The following ADARB1 variants were observed in gnomAD, a reference collection of about 807,000 sequenced individuals.
ADARB1 encodes double-stranded RNA-specific editase 1.
In ADARB1, 10 loss-of-function variants were observed where a neutral mutation model predicts 52.4. The observed-to-expected ratio is 0.19, with a 90% CI of 0.12 to 0.32. The LOEUF (loss-of-function observed/expected upper bound fraction) is 0.32, where lower values mean the gene tolerates loss of function less well. Among genes scored for constraint, ADARB1 ranks in the 10% least tolerant of loss-of-function variants. The probability of loss-of-function intolerance (pLI) is 1.00; values close to 1 mark genes in which losing one functional copy is unlikely to be tolerated. For missense variants in ADARB1, 643 were observed against 922.3 expected (o/e 0.70, Z 3.92); for synonymous variants, 349 against 371.1 (o/e 0.94, Z 0.68).
rs1045471200 is a variant in ADARB1, at chr21:45,183,894, A to G, written c.1396+384A>G. 3.3e-5 allele frequency among the ~76,000 whole-genome samples: 5 copies of G among 152,382 alleles called. No homozygotes were observed. The Middle Eastern group carries it at 0.014, about 415-fold the overall frequency. ...TATTTGCCTGATATTTCAGAAGCAG[A>G]TAAACACTAGTGAAAAGTGAAACCA... On this transcript the variant is annotated intron_variant, in intron 7 of 10. Transcript: ENST00000348831.
chr21:45,092,898 A>AT (rs10718203), intron 1 of ADARB1, among the ~76,000 whole-genome samples: 8 of 150,076 alleles, frequency 5.3e-5, no homozygotes, highest in Non-Finnish European at 8.9e-5. Context: ...TGTACCTTTA[A>AT]TTTTTTTTTT....
At chr21:45,217,440 T>G (rs750571166) in intron 9 of ADARB1, among the ~76,000 whole-genome samples, 2 of 152,168 alleles carry the variant, frequency 1.3e-5, no homozygotes, top group Admixed American at 6.5e-5. Flanking sequence ...TCAAGTGATA[T>G]TATACTACTT....
intron 4 of ADARB1, among the ~76,000 whole-genome samples, chr21:45,179,362 T>C (rs977569989): frequency 1.3e-5 from 2 of 152,244 alleles, no homozygotes; most frequent in Admixed American, 6.5e-5. Flanking sequence ...AGAAATATTT[T>C]ATTAAGGACC....
At chr21:45,083,089 C>G (rs2086214500) in intron 1 of ADARB1, among the ~76,000 whole-genome samples, 2 of 152,242 alleles carry the variant, frequency 1.3e-5, no homozygotes, top group Non-Finnish European at 2.9e-5. Context: ...CCTCCCCACA[C>G]AGCCTGCCTG....
chr21:45,218,047 T>A (rs1376453907), intron 9 of ADARB1, among the ~76,000 whole-genome samples: 2 of 152,200 alleles, frequency 1.3e-5, no homozygotes, highest in African/African-American at 4.8e-5. Context: ...TTCATGTTTC[T>A]TGTGCTTGGG....
chr21:45,087,543 G>T (rs2086395170), intron 1 of ADARB1, among the ~76,000 whole-genome samples: 1 of 152,196 alleles, frequency 6.6e-6, no homozygotes, highest in Non-Finnish European at 1.5e-5. Flanking sequence ...GGGGACGGAG[G>T]AGGAGTGGGT....
chr21:45,125,361 G>C (rs1187945198), intron 1 of ADARB1, among the ~76,000 whole-genome samples: 2 of 152,240 alleles, frequency 1.3e-5, no homozygotes, highest in African/African-American at 4.8e-5. Flanking sequence ...GTTCTTCTCA[G>C]TGTCCTGTAT....
At chr21:45,095,437 G>A (rs1273831910) in intron 1 of ADARB1, among the ~76,000 whole-genome samples, 2 of 152,290 alleles carry the variant, frequency 1.3e-5, no homozygotes, top group South Asian at 4.1e-4. Flanking sequence ...TTTTTTCTCT[G>A]CCCCCTTTTT....
chr21:45,094,733 GGA>G (rs1348164627), intron 1 of ADARB1, among the ~76,000 whole-genome samples: 4 of 152,074 alleles, frequency 2.6e-5, no homozygotes, highest in Non-Finnish European at 4.4e-5. Flanking sequence ...CATGTTGAGG[GGA>G]GAGAGGGGGG....
intron 2 of ADARB1, chr21:45,132,282 C>T (rs539498661): frequency 6.6e-6 from 1 of 152,254 alleles, no homozygotes; most frequent in East Asian, 1.9e-4. Context: ...ATTGGAAGGT[C>T]GGCAGTGGGA....
intron 1 of ADARB1, among the ~76,000 whole-genome samples, chr21:45,089,498 G>GT (rs1160398545): frequency 6.6e-6 from 1 of 151,640 alleles, no homozygotes; most frequent in African/African-American, 2.4e-5. Flanking sequence ...AAATTTATCA[G>GT]TTTTTTTCCT....
chr21:45,097,148 C>A (rs406551), intron 1 of ADARB1, among the ~76,000 whole-genome samples: 119,048 of 152,214 alleles, frequency 0.78, 46,845 homozygotes, highest in South Asian at 0.86. Flanking sequence ...CAGCAGCACC[C>A]TTTAGGTACG....
At chr21:45,115,379 T>A (rs2087770722) in intron 1 of ADARB1, among the ~76,000 whole-genome samples, 1 of 152,186 alleles carries the variant, frequency 6.6e-6, no homozygotes, top group Non-Finnish European at 1.5e-5. Flanking sequence ...GTCTGCTGAA[T>A]TGGTTCAGCA....
intron 2 of ADARB1, among the ~76,000 whole-genome samples, chr21:45,170,719 A>G (rs2091446977): frequency 6.6e-6 from 1 of 152,138 alleles, no homozygotes; most frequent in Admixed American, 6.5e-5. Flanking sequence ...ACACAAAGTA[A>G]CGTGTGATTA....
chr21:45,103,928 A>G, intron 1 of ADARB1, among the ~76,000 whole-genome samples: 1 of 152,004 alleles, frequency 6.6e-6, no homozygotes, highest in African/African-American at 2.4e-5. Flanking sequence ...GTTTTCTTTG[A>G]TTTCTTAACT....
intron 8 of ADARB1, among the ~76,000 whole-genome samples, chr21:45,196,473 C>T (rs1048163201): frequency 2.0e-5 from 3 of 152,074 alleles, no homozygotes; most frequent in Non-Finnish European, 2.9e-5. Flanking sequence ...CTAAAAAAGA[C>T]TTTCCATAAA....
At chr21:45,132,496 A>C (rs947999205) in intron 2 of ADARB1, among the ~76,000 whole-genome samples, 2 of 152,150 alleles carry the variant, frequency 1.3e-5, no homozygotes, top group Non-Finnish European at 2.9e-5. Context: ...AATTTCTTTA[A>C]CTTGAGGCCC....
chr21:45,153,218 A>C (rs566427648), intron 2 of ADARB1, among the ~76,000 whole-genome samples: 1 of 152,276 alleles, frequency 6.6e-6, no homozygotes, highest in Non-Finnish European at 1.5e-5. Flanking sequence ...ATTCAACTTA[A>C]TGTTTTAAGT....
At chr21:45,159,927 T>G (rs569540383) in intron 2 of ADARB1, among the ~76,000 whole-genome samples, 14 of 152,358 alleles carry the variant, frequency 9.2e-5, no homozygotes, top group African/African-American at 3.1e-4. Flanking sequence ...GAAAACTATC[T>G]TTGCTTTCTG....
Sources: allele counts gnomAD v4.1 joint callset (sites outside exome capture counted in the v4.1 genomes callset), GRCh38; gene constraint gnomAD v4.1.1; transcripts MANE v1.5; gene names NCBI Gene and HGNC (gene_info 2026-07-23, HGNC 2026-07-21).